DCC: variants seen among roughly 807,000 people sequenced by gnomAD.
DCC encodes the protein DCC netrin 1 receptor.
DCC carries 58 observed loss-of-function variants against 172.5 expected under a neutral mutation model. The ratio of observed to expected loss-of-function variants is 0.34; its 90% CI spans 0.27 to 0.42. The LOEUF (loss-of-function observed/expected upper bound fraction) is 0.42. Ranked by LOEUF, DCC falls within the 10% of genes least tolerant of loss-of-function variation. The pLI is 1.00. For synonymous variants in DCC, 709 were observed against 644.5 expected, an observed-to-expected ratio of 1.10 and a Z score of -1.52; for missense variants, 1,740 against 1,791.0, an observed-to-expected ratio of 0.97 and a Z score of 0.51.
intron 2 of DCC, among the ~76,000 whole-genome samples, chr18:52,792,295 T>G (rs1351300847): frequency 6.6e-6 from 1 of 152,178 alleles, no homozygotes; most frequent in Non-Finnish European, 1.5e-5. Flanking sequence ...CCAAACAAGA[T>G]TATTTCCCTG....
chr18:53,162,215 C>T (rs541181776), intron 8 of DCC, among the ~76,000 whole-genome samples: 3 of 148,826 alleles, frequency 2.0e-5, no homozygotes, highest in African/African-American at 4.9e-5. Context: ...AGGGGAATTG[C>T]GTGAACCTGG....
At chr18:53,218,669 C>T (rs1395158196) in intron 12 of DCC, among the ~76,000 whole-genome samples, 2 of 151,974 alleles carry the variant, frequency 1.3e-5, no homozygotes, top group South Asian at 2.1e-4. Flanking sequence ...GTGGTTATTT[C>T]TCATACTAAA....
At chr18:52,426,273 C>T (rs1251156603) in intron 1 of DCC, among the ~76,000 whole-genome samples, 1 of 149,982 alleles carries the variant, frequency 6.7e-6, no homozygotes, top group Non-Finnish European at 1.5e-5. Context: ...TCATTCCTTA[C>T]TAAAGTCAGC....
At chr18:53,496,480 G>T (rs967221665) in intron 26 of DCC, among the ~76,000 whole-genome samples, 1 of 152,018 alleles carries the variant, frequency 6.6e-6, no homozygotes, top group African/African-American at 2.4e-5. Flanking sequence ...AAGACCAAAG[G>T]TAGATAAATC....
chr18:53,442,800 C>G (rs958523613), intron 22 of DCC, among the ~76,000 whole-genome samples: 2 of 152,174 alleles, frequency 1.3e-5, no homozygotes, highest in Non-Finnish European at 2.9e-5. Flanking sequence ...AGCAAAACAG[C>G]CTTATTGCTG....
intron 1 of DCC, among the ~76,000 whole-genome samples, chr18:52,596,248 G>T (rs1298306347): frequency 6.6e-6 from 1 of 152,106 alleles, no homozygotes; most frequent in Non-Finnish European, 1.5e-5. Flanking sequence ...TCTGCTACTG[G>T]ATTCCAGACA....
intron 5 of DCC, among the ~76,000 whole-genome samples, chr18:52,940,069 A>G (rs1195574531): frequency 6.6e-6 from 1 of 152,228 alleles, no homozygotes; most frequent in African/African-American, 2.4e-5. Context: ...GTTGGGTCCC[A>G]GGAAACTGTG....
chr18:53,450,971 C>T (rs1245437055), intron 23 of DCC, among the ~76,000 whole-genome samples: 1 of 152,186 alleles, frequency 6.6e-6, no homozygotes, highest in Non-Finnish European at 1.5e-5. Context: ...TAGACTCCAC[C>T]ATGCCCCTGT....
At chr18:52,536,876 C>T (rs1420148181) in intron 1 of DCC, among the ~76,000 whole-genome samples, 1 of 152,124 alleles carries the variant, frequency 6.6e-6, no homozygotes, top group African/African-American at 2.4e-5. Context: ...AAAATGATCT[C>T]TTTAAAGTTC....
At chr18:52,642,528 T>C (rs1005078662) in intron 1 of DCC, among the ~76,000 whole-genome samples, 1 of 152,160 alleles carries the variant, frequency 6.6e-6, no homozygotes, top group African/African-American at 2.4e-5. Flanking sequence ...ATTGCTGTCT[T>C]AAGATTTTTT....
intron 26 of DCC, among the ~76,000 whole-genome samples, chr18:53,497,917 T>A (rs1293600610): frequency 6.6e-6 from 1 of 152,058 alleles, no homozygotes; most frequent in Non-Finnish European, 1.5e-5. Flanking sequence ...TTGATTCATT[T>A]CCCTTGTTCA....
chr18:52,733,179 G>T (rs540030526), intron 1 of DCC, among the ~76,000 whole-genome samples: 2 of 152,028 alleles, frequency 1.3e-5, no homozygotes, highest in Non-Finnish European at 2.9e-5. Flanking sequence ...GATGGAGAAG[G>T]GTTCTCTCCT....
intron 1 of DCC, among the ~76,000 whole-genome samples, chr18:52,639,333 G>GAAAC (rs1369625943): frequency 6.6e-6 from 1 of 151,832 alleles, no homozygotes; most frequent in Non-Finnish European, 1.5e-5. Flanking sequence ...AAATGAAATT[G>GAAAC]AAACAAACAA....
At chr18:52,457,911 GCAAA>G (rs66650533) in intron 1 of DCC, among the ~76,000 whole-genome samples, 129,925 of 151,168 alleles carry the variant, frequency 0.86, 56,289 homozygotes, top group African/African-American at 0.96. Flanking sequence ...AAGCAAGCAA[GCAAA>G]CAAACAAACA....
intron 12 of DCC, among the ~76,000 whole-genome samples, chr18:53,251,270 C>T (rs150494890): frequency 1.3e-5 from 2 of 152,056 alleles, no homozygotes; most frequent in African/African-American, 4.8e-5. Flanking sequence ...TCATCTTATC[C>T]TGGCAAGGTA....
At chr18:52,831,385 T>C (rs1215391803) in intron 2 of DCC, among the ~76,000 whole-genome samples, 1 of 152,158 alleles carries the variant, frequency 6.6e-6, no homozygotes, top group East Asian at 1.9e-4. Flanking sequence ...AAGCACATCG[T>C]TCTGGCTGCT....
chr18:53,163,372 C>G lies in DCC; in HGVS notation c.1418+5860C>G, dbSNP rs534580129. ...AAAAAGTTGATATTAAAATTTTATT[C>G]TAATATCTCCATTTACTTTGATTTT... On this transcript the variant is annotated intron_variant, in intron 8 of 28. Coordinates refer to ENST00000442544, the MANE Select transcript of DCC (RefSeq NM_005215.4). 1.1e-4 allele frequency among the ~76,000 whole-genome samples: 17 copies of G among 152,236 alleles called. 1 individual carries two copies. In the South Asian group the frequency reaches 3.3e-3, roughly 30 times the overall value.
chr18:52,693,873 T>G (rs28874031), intron 1 of DCC, among the ~76,000 whole-genome samples: 2 of 151,952 alleles, frequency 1.3e-5, no homozygotes, highest in Non-Finnish European at 2.9e-5. Flanking sequence ...CGTGCTGATA[T>G]AAACAATTGA....
intron 28 of DCC, 39 bp from the exon 29 acceptor site, chr18:53,530,525 A>G: frequency 9.0e-7 from 1 of 1,105,064 alleles, no homozygotes; most frequent in South Asian, 1.2e-5. Context: ...AAATGGATCA[A>G]TATTTGTTAC....
Sources: gnomAD v4.1 joint callset for allele counts (sites outside exome capture counted in the v4.1 genomes callset) on GRCh38, gnomAD v4.1.1 for gene constraint, MANE v1.5 for transcripts, NCBI Gene and HGNC (gene_info 2026-07-23, HGNC 2026-07-21) for gene names.